RBM25: variants seen among roughly 807,000 people sequenced by gnomAD.
RBM25 encodes RNA binding motif protein 25.
Under a neutral mutation model 120.7 loss-of-function variants are expected in RBM25, and 19 were observed. The ratio of observed to expected loss-of-function variants is 0.16; its 90% CI spans 0.11 to 0.23. The LOEUF (loss-of-function observed/expected upper bound fraction) is 0.23, where lower values mean the gene tolerates loss of function less well. RBM25 is among the 10% of genes least tolerant of loss of function. The probability of loss-of-function intolerance (pLI) is 1.00; values close to 1 mark genes in which losing one functional copy is unlikely to be tolerated. For synonymous variants in RBM25, 390 were observed against 326.7 expected (o/e 1.19, Z -2.09); for missense variants, 605 against 1,041.5 (o/e 0.58, Z 5.77).
Position 73,106,056 on chromosome 14 carries a change from G to T in RBM25, c.1352G>T (p.Arg451Leu). The change falls in exon 11 of 19, where the codon CGA becomes CTA. Residue 451 changes from arginine (R) to leucine (L), a missense_variant. Arg to Leu is a moderately radical substitution (Grantham distance 102). Around this residue, in one of 4 missense-constraint regions of RBM25, gnomAD observed 465 missense variants for 741.6 expected, o/e 0.63. Coordinates refer to ENST00000261973, the MANE Select transcript of RBM25 (RefSeq NM_021239.3). ...CGAAGAAAACTTGAAAGAAAACTCCGAGAGAAAGAAGCTGCTTATCAAGAG... is the reference window on the plus strand; with the variant it reads ...CGAAGAAAACTTGAAAGAAAACTCCTAGAGAAAGAAGCTGCTTATCAAGAG... ...YERRKLERKL[R>L]EKEAAYQERL... 6.2e-7 allele frequency: 1 copy of T among 1,609,458 alleles called. No homozygotes were observed. The highest frequency in any genetic ancestry group is 8.5e-7 in the Non-Finnish European group (1 of 1,179,060).
intron 1 of RBM25, among the ~76,000 whole-genome samples, chr14:73,071,158 C>G (rs977517735): frequency 1.3e-5 from 2 of 149,670 alleles, no homozygotes; most frequent in African/African-American, 4.9e-5. Context: ...AGGAGAATCG[C>G]TTGAACCCGG....
intron 3 of RBM25, 141 bp downstream of exon 3, chr14:73,076,509 A>C: frequency 4.3e-5 from 31 of 717,028 alleles, no homozygotes; most frequent in Non-Finnish European, 6.4e-5. Context: ...AGAGCATATC[A>C]TTTATTTGAA....
intron 9 of RBM25, chr14:73,100,340 T>G: frequency 1.5e-6 from 1 of 687,658 alleles, no homozygotes; most frequent in Non-Finnish European, 2.7e-6. Flanking sequence ...ACTCTCAGCT[T>G]GGAAAGTAAC....
At chr14:73,109,589 C>T (rs566463635) in intron 14 of RBM25, 97 bp downstream of exon 14, 33 of 1,135,742 alleles carry the variant, frequency 2.9e-5, no homozygotes, top group Non-Finnish European at 3.6e-5. Context: ...GTCGGGAGAT[C>T]GAGATCATCC....
At chr14:73,104,597 G>C (rs1350282889) in intron 10 of RBM25, among the ~76,000 whole-genome samples, 1 of 151,766 alleles carries the variant, frequency 6.6e-6, no homozygotes, top group Non-Finnish European at 1.5e-5. Flanking sequence ...GAACTCCTGA[G>C]CTCAGGTAAT....
intron 6 of RBM25, among the ~76,000 whole-genome samples, chr14:73,089,149 C>G (rs1233702381): frequency 6.6e-6 from 1 of 151,250 alleles, no homozygotes; most frequent in Non-Finnish European, 1.5e-5. Flanking sequence ...CTCCCTGCTG[C>G]CAAAAAAGAA....
At chr14:73,072,576 A>G (rs776861083) in intron 2 of RBM25, among the ~76,000 whole-genome samples, 1 of 152,194 alleles carries the variant, frequency 6.6e-6, no homozygotes, top group Non-Finnish European at 1.5e-5. Flanking sequence ...TTAATTTTTA[A>G]CAAGTTCACA....
In RBM25 at chr14:73,103,257, AAG is replaced by A; in HGVS notation, c.940_941del (p.Arg314GlyfsTer3). On this transcript the variant is annotated frameshift_variant, in exon 10 of 19. Transcript: ENST00000261973. LOFTEE classifies it high-confidence loss of function. ...AGGAAATTGAGAAAGAACGGAGAGA[AAG>A]AGAGAGGGAGCGTGAAAGGGAACGA... ...RQEIEKERRE[R>X]ERERERERER... 6.2e-7 allele frequency: 1 copy of A among 1,601,908 alleles called. No homozygotes were observed. Among genetic ancestry groups the A allele is most frequent in the Non-Finnish European group, 8.5e-7 (1 of 1,173,232 alleles).
In RBM25 at chr14:73,123,679, A is replaced by T. The variant is rs943881114; in HGVS notation, c.*3874A>T. 4 of 152,178 alleles carry T rather than the reference A, an allele frequency of 2.6e-5. No homozygotes were observed. The highest frequency in any genetic ancestry group is 4.4e-5 in the Non-Finnish European group (3 of 68,042). 9.4% of individuals were successfully genotyped at this position (152,178 alleles called of 1,614,324 possible). A position where few individuals can be genotyped will look rare whatever the true frequency, so the allele number is the denominator to read the frequency against. Reference sequence around the variant, plus strand: ...CTTACACTTTTTGATAAACTGATAGATTTTTTGTAATGTGATTATGGTAAA... The same window carrying T: ...CTTACACTTTTTGATAAACTGATAGTTTTTTTGTAATGTGATTATGGTAAA... On this transcript the variant is annotated 3_prime_UTR_variant, in exon 19 of 19. Coordinates refer to ENST00000261973, the MANE Select transcript of RBM25 (RefSeq NM_021239.3).
At position 73,114,410 on chromosome 14, in the gene RBM25, TGGG is replaced by T. The variant is rs926741743; in HGVS notation, c.2439+79_2439+81del. ...GGTTTTTTTTGTCTTAAAATATAGA[TGGG>T]GTCTCACCACGTTGCCCAGGGTAGT... is the stretch of plus-strand genomic sequence containing the variant. On this transcript the variant is annotated intron_variant, in intron 18 of 18. Coordinates refer to ENST00000261973, the MANE Select transcript of RBM25 (RefSeq NM_021239.3). The T allele has an allele frequency of 4.6e-6, 5 of 1,090,212 alleles. No individual in the cohort carries two copies. The African/African-American group carries it at 8.1e-5, about 18-fold the overall frequency. 67.5% of individuals were successfully genotyped at this position (1,090,212 alleles called of 1,614,324 possible).
chr14:73,109,366 G>T lies in RBM25; in HGVS notation c.1566G>T (p.Leu522Phe). The T allele has an allele frequency of 6.2e-7, 1 of 1,613,998 alleles. No homozygotes were observed. The change falls in exon 14 of 19, where the codon TTG becomes TTT. Residue 522 changes from leucine (L) to phenylalanine (F), a missense_variant. Coordinates refer to ENST00000261973, the MANE Select transcript of RBM25 (RefSeq NM_021239.3). ...GAGGAAGTGCTCTTCAGAAAAGGTTGCGTGATAGAGAAAAGGAAATGGAAG... is the reference window on the plus strand; with the variant it reads ...GAGGAAGTGCTCTTCAGAAAAGGTTTCGTGATAGAGAAAAGGAAATGGAAG... ...YYRGSALQKR[L>F]RDREKEMEAD...
At chr14:73,083,583 C>A in intron 5 of RBM25, 32 bp downstream of exon 5, 14 of 1,487,366 alleles carry the variant, frequency 9.4e-6, no homozygotes, top group South Asian at 1.3e-5. Context: ...TTGCTGAAAT[C>A]ACTTTAACTA....
intron 12 of RBM25, 49 bp downstream of exon 12, chr14:73,106,334 T>G (rs1896187787): frequency 8.3e-6 from 12 of 1,447,350 alleles, no homozygotes; most frequent in Non-Finnish European, 1.1e-5. Context: ...AAAGTCAGAT[T>G]GTATCTTTAC....
At chr14:73,112,864 C>T (rs1407982520) in intron 17 of RBM25, among the ~76,000 whole-genome samples, 1 of 151,854 alleles carries the variant, frequency 6.6e-6, no homozygotes, top group African/African-American at 2.4e-5. Flanking sequence ...AGTGCAGTGG[C>T]GCAATCATGG....
chr14:73,063,007 A>G (rs2140419097), intron 1 of RBM25, among the ~76,000 whole-genome samples: 1 of 150,846 alleles, frequency 6.6e-6, no homozygotes, highest in Middle Eastern at 3.4e-3. Context: ...TTTTTGGTAG[A>G]GATGGGGTTT....
chr14:73,083,710 G>T (rs1475845169), intron 5 of RBM25, among the ~76,000 whole-genome samples, 159 bp downstream of exon 5: 1 of 152,010 alleles, frequency 6.6e-6, no homozygotes, highest in Non-Finnish European at 1.5e-5. Context: ...AAGGCAGTTT[G>T]GGAAAATATT....
intron 1 of RBM25, chr14:73,059,129 C>T (rs1312078686): frequency 6.6e-6 from 1 of 152,278 alleles, no homozygotes. Context: ...ACTCTCGCCC[C>T]AGCCGTTGCC....
At chr14:73,112,827 G>A (rs570994023) in intron 17 of RBM25, among the ~76,000 whole-genome samples, 50 of 151,632 alleles carry the variant, frequency 3.3e-4, no homozygotes, top group Admixed American at 2.0e-4. Context: ...CTTTTGAGTC[G>A]GAGTTTTGCT....
At chr14:73,116,310 C>T (rs1372172927) in intron 18 of RBM25, among the ~76,000 whole-genome samples, 2 of 152,150 alleles carry the variant, frequency 1.3e-5, no homozygotes, top group South Asian at 2.1e-4. Flanking sequence ...GAAAAATCAT[C>T]AAGCATGATA....
Sources: gnomAD v4.1 joint callset for allele counts (sites outside exome capture counted in the v4.1 genomes callset) on GRCh38, gnomAD v4.1.1 for gene constraint, gnomAD v4.1.1 regional missense constraint, MANE v1.5 for transcripts, NCBI Gene and HGNC (gene_info 2026-07-23, HGNC 2026-07-21) for gene names.